Variants in CELF5 observed in about 807,000 individuals in gnomAD.
CELF5 encodes CUGBP Elav-like family member 5.
CELF5 carries 6 observed loss-of-function variants against 54.9 expected under a neutral mutation model. That is an observed-to-expected ratio of 0.11 (90% confidence interval 0.06 to 0.22). The LOEUF is 0.22. Ranked by LOEUF, CELF5 falls within the 10% of genes least tolerant of loss-of-function variation. The pLI is 1.00. For missense variants in CELF5, 401 were observed against 678.6 expected (o/e 0.59, Z 4.54); for synonymous variants, 271 against 290.9 (o/e 0.93, Z 0.70).
chr19:3,279,214 G>A (rs1019469559), intron 5 of CELF5, among the ~76,000 whole-genome samples: 4 of 151,824 alleles, frequency 2.6e-5, no homozygotes, highest in Non-Finnish European at 5.9e-5. Flanking sequence ...TGGATGGGGG[G>A]CCTGTTGACT....
chr19:3,282,140 G>T lies in CELF5; in HGVS notation c.765G>T (p.Gln255His), dbSNP rs556178058. 1 of 1,614,218 alleles carries T rather than the reference G, an allele frequency of 6.2e-7. No individual in the cohort carries two copies. Among genetic ancestry groups the T allele is most frequent in the Admixed American group, 1.7e-5 (1 of 60,026 alleles). ...TTCACCCCCAGCTCATGCAACAGCA[G>T]ACAACAGTCCTGTCCACCTCGGGCA... ...SAYAQALMQQ[Q>H]TTVLSTSGSY... The change falls in exon 7 of 13, where the codon CAG becomes CAT. Residue 255 changes from glutamine to histidine, a missense_variant. Physicochemically the swap from Gln to His is conservative, Grantham distance 24. Around this residue, in one of 6 missense-constraint regions of CELF5, gnomAD observed 87 missense variants for 190.2 expected, o/e 0.46. Transcript: ENST00000292672. This position sits in a 1 kb window ranked among gnomAD's most constrained non-coding sequence, Gnocchi z 5.2.
chr19:3,283,581 C>T (rs531083187), intron 8 of CELF5, among the ~76,000 whole-genome samples: 1 of 151,940 alleles, frequency 6.6e-6, no homozygotes, highest in East Asian at 1.9e-4. Context: ...AATTCCTGGG[C>T]TCAAGCAGGC....
chr19:3,276,038 G>A lies in CELF5; in HGVS notation c.523+54G>A, dbSNP rs2080043999. Reference sequence around the variant, plus strand: ...CGAGAGGGGCCGGGCTAGCTCTGGGGGCGGGGCCTGTGGGGAGGGTGGGGC... The same window carrying A: ...CGAGAGGGGCCGGGCTAGCTCTGGGAGCGGGGCCTGTGGGGAGGGTGGGGC... On this transcript the variant is annotated intron_variant, in intron 4 of 12. Coordinates refer to ENST00000292672, the MANE Select transcript of CELF5 (RefSeq NM_021938.4). The A allele has an allele frequency of 5.7e-6, 8 of 1,406,458 alleles. No homozygotes were observed. The Admixed American group carries it at 1.6e-4, about 28-fold the overall frequency. 87.1% of individuals were successfully genotyped at this position (1,406,458 alleles called of 1,614,324 possible). A position where few individuals can be genotyped will look rare whatever the true frequency, so the allele number is the denominator to read the frequency against.
At chr19:3,237,376 C>G (rs575396215) in intron 1 of CELF5, among the ~76,000 whole-genome samples, 178 of 151,244 alleles carry the variant, frequency 1.2e-3, no homozygotes, top group Non-Finnish European at 1.1e-3. Flanking sequence ...GAGCAGCCGC[C>G]TGGGCTGCTT....
intron 2 of CELF5, among the ~76,000 whole-genome samples, chr19:3,273,220 C>T (rs529601693): frequency 6.6e-5 from 10 of 152,186 alleles, no homozygotes; most frequent in South Asian, 2.1e-4. Flanking sequence ...CTCAGCTGGA[C>T]GGCTCTTCTG....
rs2080145530 is a variant in CELF5, at chr19:3,281,234, C to A, written c.639C>A (p.Asp213Glu). ...ASSSLVVKFA[D>E]TDKERTLRRM... The stretch of plus-strand genomic sequence containing the variant: ...CCAGCCTGGTGGTCAAGTTCGCCGA[C>A]ACGGACAAGGAGCGGACGCTCCGGC... The change falls in exon 6 of 13, where the codon GAC becomes GAA. Residue 213 changes from aspartate (D) to glutamate (E), a missense_variant. This residue lies in a region of CELF5 where 87 missense variants were observed against 190.2 expected (regional missense o/e 0.46). Transcript: ENST00000292672. The surrounding 1 kb of genome is among the most constrained non-coding windows in gnomAD (Gnocchi z 6.5). 1 of 1,609,924 alleles carries A rather than the reference C, an allele frequency of 6.2e-7. No homozygotes were observed. The highest frequency in any genetic ancestry group is 1.3e-5 in the African/African-American group (1 of 75,074).
At chr19:3,292,443 G>A (rs1279527466) in intron 11 of CELF5, among the ~76,000 whole-genome samples, 1 of 146,880 alleles carries the variant, frequency 6.8e-6, no homozygotes, top group African/African-American at 2.5e-5. Context: ...ACTACCATGC[G>A]TAGCTAATTT....
chr19:3,281,337 G>T lies in CELF5; in HGVS notation c.742G>T (p.Ala248Ser). Residue 248 changes from alanine (A) to serine (S), a missense_variant, in exon 6 of 13, where the codon GCC (alanine) becomes TCC (serine). Physicochemically the swap from Ala to Ser is moderately conservative, Grantham distance 99. This residue lies in a region of CELF5 where 87 missense variants were observed against 190.2 expected (regional missense o/e 0.46). Coordinates refer to ENST00000292672, the MANE Select transcript of CELF5 (RefSeq NM_021938.4). This position sits in a 1 kb window ranked among gnomAD's most constrained non-coding sequence, Gnocchi z 6.5. ...GCCCTTCAGCCCCTACAGTGCCTAC[G>T]CCCAGGCTGTGAGTGACCCAGTGAC... ...TLPFSPYSAYAQALMQQQTTV... is the reference protein window; with the variant it reads ...TLPFSPYSAYSQALMQQQTTV... The T allele has an allele frequency of 1.9e-6, 3 of 1,605,028 alleles. No individual in the cohort carries two copies. The highest frequency in any genetic ancestry group is 2.6e-6 in the Non-Finnish European group (3 of 1,176,436).
intron 1 of CELF5, among the ~76,000 whole-genome samples, chr19:3,245,934 G>A (rs1343571715): frequency 1.3e-5 from 2 of 152,216 alleles, no homozygotes; most frequent in Non-Finnish European, 2.9e-5. Context: ...CCAAGCATTA[G>A]TGAAGATGAA....
At chr19:3,231,253 A>T (rs1470600567) in intron 1 of CELF5, among the ~76,000 whole-genome samples, 3 of 152,170 alleles carry the variant, frequency 2.0e-5, no homozygotes, top group African/African-American at 7.2e-5. Context: ...GGCATGAGGA[A>T]ATGAGACGAT....
At position 3,228,358 on chromosome 19, in the gene CELF5, G is replaced by A. The variant is rs374162843; in HGVS notation, c.259+3360G>A. Among the ~76,000 whole-genome samples, 128 of 152,290 alleles carry A rather than the reference G, an allele frequency of 8.4e-4. No individual in the cohort carries two copies. The South Asian group carries it at 9.3e-3, about 11-fold the overall frequency. ...GCTCAGGCCAAGAACTGGAGGCTGG[G>A]ATTGGGGCTCCCGCTGGCCCCCCTG... On this transcript the variant is annotated intron_variant, in intron 1 of 12. Transcript: ENST00000292672. The surrounding 1 kb of genome is among the most constrained non-coding windows in gnomAD (Gnocchi z 6.0).
intron 1 of CELF5, chr19:3,225,656 C>T (rs921288303): frequency 1.1e-6 from 1 of 935,150 alleles, no homozygotes. Flanking sequence ...GCGCCCGGCT[C>T]GGGGGGACGC....
chr19:3,245,259 G>A (rs975192832), intron 1 of CELF5, among the ~76,000 whole-genome samples: 1 of 146,988 alleles, frequency 6.8e-6, no homozygotes. Flanking sequence ...TGTATGTGGT[G>A]TGTGTATGCA....
chr19:3,256,621 T>A (rs985786374), intron 2 of CELF5, among the ~76,000 whole-genome samples: 2 of 151,474 alleles, frequency 1.3e-5, no homozygotes, highest in African/African-American at 2.4e-5. Context: ...CAGGCTGGAG[T>A]GCAGTGGCGC....
chr19:3,266,824 C>A (rs1470744724), intron 2 of CELF5, among the ~76,000 whole-genome samples: 1 of 152,144 alleles, frequency 6.6e-6, no homozygotes, highest in Non-Finnish European at 1.5e-5. Flanking sequence ...GAGGAAGACC[C>A]CCCGGCCTGC....
chr19:3,238,074 C>T (rs958985312), intron 1 of CELF5, among the ~76,000 whole-genome samples: 4 of 151,828 alleles, frequency 2.6e-5, no homozygotes, highest in African/African-American at 9.7e-5. Flanking sequence ...TCTAACTTGG[C>T]CGGGCGCCAT....
intron 1 of CELF5, among the ~76,000 whole-genome samples, chr19:3,239,635 A>T (rs2079463148): frequency 6.6e-6 from 1 of 150,546 alleles, no homozygotes; most frequent in Admixed American, 6.6e-5. Context: ...AACCCATTAC[A>T]TCCTCACACC....
At chr19:3,250,515 G>T (rs925960723) in intron 1 of CELF5, among the ~76,000 whole-genome samples, 11 of 152,042 alleles carry the variant, frequency 7.2e-5, no homozygotes, top group African/African-American at 2.4e-4. Flanking sequence ...AATAAAAATT[G>T]CACAGCTCAG....
chr19:3,269,074 G>A (rs940186855), intron 2 of CELF5, among the ~76,000 whole-genome samples: 2 of 152,110 alleles, frequency 1.3e-5, no homozygotes, highest in African/African-American at 4.8e-5. Flanking sequence ...GGGCCTAGGT[G>A]GGAGGGGAGG....
Sources: allele counts gnomAD v4.1 joint callset (sites outside exome capture counted in the v4.1 genomes callset), GRCh38; gene constraint gnomAD v4.1.1; regional missense constraint gnomAD v4.1.1; non-coding constraint Gnocchi (gnomAD v3.1); transcripts MANE v1.5; gene names NCBI Gene and HGNC (gene_info 2026-07-23, HGNC 2026-07-21).